EML4: variants seen among roughly 807,000 people sequenced by gnomAD.
The protein encoded by EML4 is EMAP like 4, also known as echinoderm microtubule-associated protein-like 4.
A neutral mutation model predicts 129.0 loss-of-function variants in EML4; 72 were observed. The observed-to-expected ratio is 0.56, with a 90% CI of 0.46 to 0.68. The LOEUF (loss-of-function observed/expected upper bound fraction) is 0.68. Among genes scored for constraint, EML4 ranks in the 30% least tolerant of loss-of-function variants. EML4 has a pLI of 0.00. For synonymous variants in EML4, 532 were observed against 405.0 expected, an observed-to-expected ratio of 1.31 and a Z score of -3.77; for missense variants, 1,363 against 1,190.6, an observed-to-expected ratio of 1.14 and a Z score of -2.13.
At chr2:42,237,798 C>CA (rs1275705628) in intron 1 of EML4, among the ~76,000 whole-genome samples, 1 of 152,196 alleles carries the variant, frequency 6.6e-6, no homozygotes, top group African/African-American at 2.4e-5. Context: ...AATGGATCGT[C>CA]ATAAGACCTT....
chr2:42,178,490 G>A (rs1670745114), intron 1 of EML4, among the ~76,000 whole-genome samples: 1 of 152,118 alleles, frequency 6.6e-6, no homozygotes, highest in African/African-American at 2.4e-5. Flanking sequence ...GCTGCAGTGA[G>A]CTATGATATG....
At position 42,288,231 on chromosome 2, in the gene EML4, C is replaced by T. The variant is rs769057861; in HGVS notation, c.1127C>T (p.Ser376Leu). 7.3e-7 allele frequency: 1 copy of T among 1,377,642 alleles called. No individual in the cohort carries two copies. The highest frequency in any genetic ancestry group is 1.0e-6 in the Non-Finnish European group (1 of 991,526). The allele number at this position is 1,377,642 out of a possible 1,614,324, so 85.3% of individuals were successfully genotyped here. ...VGCLDFSKAD[S>L]GVHLCIIDDS... ...CTCTGATTGACTTTTCTTTAGGATT[C>T]AGGTGTTCATTTATGTATTATTGAT... Residue 376 changes from serine to leucine, a missense_variant, in exon 11 of 23, where the codon TCA (serine) becomes TTA (leucine). Physicochemically the swap from Ser to Leu is moderately radical, Grantham distance 145 (BLOSUM62 -2). Coordinates refer to ENST00000318522, the MANE Select transcript of EML4 (RefSeq NM_019063.5).
At chr2:42,261,509 A>C (rs537689801) in intron 4 of EML4, 14 of 376,824 alleles carry the variant, frequency 3.7e-5, no homozygotes, top group South Asian at 1.2e-4. Flanking sequence ...AAAAAAAAAA[A>C]AAAAAACTAA....
At chr2:42,199,845 G>C (rs1239725913) in intron 1 of EML4, among the ~76,000 whole-genome samples, 1 of 152,158 alleles carries the variant, frequency 6.6e-6, no homozygotes, top group Non-Finnish European at 1.5e-5. Context: ...AATGTATCAG[G>C]GAAGTGAAAG....
intron 6 of EML4, among the ~76,000 whole-genome samples, chr2:42,269,723 G>C (rs922663143): frequency 6.6e-6 from 1 of 152,172 alleles, no homozygotes; most frequent in African/African-American, 2.4e-5. Context: ...AAGTATATAA[G>C]CCTCTAGGCA....
At chr2:42,204,493 C>T (rs2103983399) in intron 1 of EML4, among the ~76,000 whole-genome samples, 1 of 152,268 alleles carries the variant, frequency 6.6e-6, no homozygotes, top group East Asian at 1.9e-4. Context: ...TAGCCATTGA[C>T]AGTACCCAAA....
chr2:42,296,618 G>A (rs930092445), intron 13 of EML4, among the ~76,000 whole-genome samples: 3 of 152,042 alleles, frequency 2.0e-5, no homozygotes, highest in African/African-American at 7.2e-5. Flanking sequence ...GCTTTCCCTG[G>A]GCTAGCACAG....
At chr2:42,190,809 G>C (rs1312097990) in intron 1 of EML4, among the ~76,000 whole-genome samples, 1 of 152,232 alleles carries the variant, frequency 6.6e-6, no homozygotes, top group Non-Finnish European at 1.5e-5. Context: ...GAGCCTGCTT[G>C]TGTTCCAGTG....
chr2:42,249,363 C>G (rs190370196), intron 2 of EML4, among the ~76,000 whole-genome samples: 337 of 151,772 alleles, frequency 2.2e-3, no homozygotes, highest in Non-Finnish European at 3.6e-3. Context: ...GGAAAATGAT[C>G]ATTATCATCT....
In EML4 at chr2:42,316,023, C is replaced by CAGCT; in HGVS notation, c.2030_2033dup (p.Ser679AlafsTer19). On this transcript the variant is annotated frameshift_variant, in exon 18 of 23. Transcript: ENST00000318522. LOFTEE classifies it high-confidence loss of function. ...TTCTATCCACACAGACGGGAATGAA[C>CAGCT]AGCTCTCTGTGATGCGCTACTCAAT... 6.2e-7 allele frequency: 1 copy of CAGCT among 1,613,740 alleles called. No individual in the cohort carries two copies. Among genetic ancestry groups the CAGCT allele is most frequent in the Non-Finnish European group, 8.5e-7 (1 of 1,179,744 alleles).
intron 6 of EML4, among the ~76,000 whole-genome samples, chr2:42,271,308 G>A (rs898509890): frequency 2.0e-5 from 3 of 152,158 alleles, no homozygotes; most frequent in African/African-American, 7.2e-5. Flanking sequence ...TATTTAAGAG[G>A]GTAGAGAAGG....
At chr2:42,274,806 C>G (rs1666570013) in intron 6 of EML4, among the ~76,000 whole-genome samples, 1 of 152,034 alleles carries the variant, frequency 6.6e-6, no homozygotes, top group Non-Finnish European at 1.5e-5. Context: ...AGTAGAAGAG[C>G]AAAACCCAAG....
chr2:42,243,381 T>G (rs1675166741), intron 1 of EML4, among the ~76,000 whole-genome samples: 1 of 152,134 alleles, frequency 6.6e-6, no homozygotes, highest in Non-Finnish European at 1.5e-5. Context: ...ATATAAAAAT[T>G]TCTAAGGCGA....
chr2:42,224,437 A>G lies in EML4; in HGVS notation c.26-21068A>G, dbSNP rs181374701. ...CACATGGGTATAACCGTGTGAGCAC[A>G]TAACTGTTCAACATTTGATGGACAT... On this transcript the variant is annotated intron_variant, in intron 1 of 22. Transcript: ENST00000318522. Among the ~76,000 whole-genome samples the G allele has an allele frequency of 3.0e-3, 450 of 152,282 alleles. 2 individuals are homozygous for G. The highest frequency in any genetic ancestry group is 9.8e-3 in the African/African-American group (409 of 41,560).
chr2:42,250,776 A>C (rs76000446), intron 2 of EML4, among the ~76,000 whole-genome samples: 1,879 of 152,180 alleles, frequency 0.012, 35 homozygotes, highest in African/African-American at 0.043. Context: ...CAAACATACT[A>C]CATTTGTTGT....
chr2:42,280,300 T>C (rs369054535), intron 6 of EML4, among the ~76,000 whole-genome samples: 1 of 152,324 alleles, frequency 6.6e-6, no homozygotes, highest in Middle Eastern at 3.4e-3. Flanking sequence ...CAAAAAATTA[T>C]TCTCAGTTAA....
intron 6 of EML4, chr2:42,265,001 G>A (rs1665975639): frequency 6.6e-7 from 1 of 1,510,538 alleles, no homozygotes; most frequent in Non-Finnish European, 9.0e-7. Context: ...TTTTTTCCTG[G>A]ATCTCTTATT....
intron 6 of EML4, among the ~76,000 whole-genome samples, chr2:42,273,668 G>A (rs1194160873): frequency 6.9e-6 from 1 of 144,944 alleles, no homozygotes; most frequent in African/African-American, 2.4e-5. Context: ...GTAGCATTTT[G>A]TACTTAGTCA....
intron 9 of EML4, among the ~76,000 whole-genome samples, chr2:42,284,972 T>C (rs1341232284): frequency 6.6e-6 from 1 of 152,196 alleles, no homozygotes; most frequent in African/African-American, 2.4e-5. Flanking sequence ...TCGTTACATT[T>C]TCTTTATATA....
Sources: allele counts gnomAD v4.1 joint callset (sites outside exome capture counted in the v4.1 genomes callset), GRCh38; gene constraint gnomAD v4.1.1; transcripts MANE v1.5; gene names NCBI Gene and HGNC (gene_info 2026-07-23, HGNC 2026-07-21).